The following VCL variants were observed in gnomAD, a reference collection of about 807,000 sequenced individuals.
VCL encodes epididymis luminal protein 114.
VCL carries 47 observed loss-of-function variants against 125.7 expected under a neutral mutation model. The ratio of observed to expected loss-of-function variants is 0.37; its 90% CI spans 0.30 to 0.48. VCL has a LOEUF of 0.48. VCL is among the 20% of genes least tolerant of loss of function. The probability of loss-of-function intolerance (pLI) is 0.99; values close to 1 mark genes in which losing one functional copy is unlikely to be tolerated. For missense variants in VCL, 1,069 were observed against 1,455.5 expected (o/e 0.73, Z 4.32); for synonymous variants, 458 against 514.6 (o/e 0.89, Z 1.49).
At chr10:74,111,801 C>T in intron 18 of VCL, 108 bp from the exon 19 acceptor site, 1 of 1,389,714 alleles carries the variant, frequency 7.2e-7, no homozygotes, top group Non-Finnish European at 1.0e-6. Flanking sequence ...GTTTCTTTCT[C>T]ATCCTAGGCA....
intron 1 of VCL, among the ~76,000 whole-genome samples, chr10:74,033,840 G>C (rs1238147461): frequency 6.6e-6 from 1 of 152,108 alleles, no homozygotes; most frequent in Non-Finnish European, 1.5e-5. Flanking sequence ...AATTGACCCA[G>C]TCACTTGAGC....
intron 5 of VCL, among the ~76,000 whole-genome samples, chr10:74,074,118 C>T (rs999830482): frequency 8.5e-5 from 13 of 152,202 alleles, no homozygotes; most frequent in Non-Finnish European, 1.9e-4. Flanking sequence ...CGGCTATAAT[C>T]CCAGCTACTC....
chr10:74,115,434 T>C (rs1361368059), intron 21 of VCL, among the ~76,000 whole-genome samples: 1 of 151,828 alleles, frequency 6.6e-6, no homozygotes, highest in Non-Finnish European at 1.5e-5. Flanking sequence ...ATAAAAGGAA[T>C]CTGGAATTGC....
At chr10:74,095,960 G>T (rs1321483424) in intron 12 of VCL, 105 bp downstream of exon 12, 4 of 1,381,488 alleles carry the variant, frequency 2.9e-6, no homozygotes, top group Non-Finnish European at 3.0e-6. Context: ...CTGGGGTCTA[G>T]GGAAAATGAA....
chr10:74,108,987 C>A lies in VCL; in HGVS notation c.2576C>A (p.Ala859Asp). Reference sequence around the variant, plus strand: ...CTTTTTTAGCTAACAGATGAGCTTGCTCCTCCCAAACCACCTCTGCCTGAA... The same window carrying A: ...CTTTTTTAGCTAACAGATGAGCTTGATCCTCCCAAACCACCTCTGCCTGAA... ...LEQLRLTDEL[A>D]PPKPPLPEGE... Residue 859 changes from alanine to aspartate, a missense_variant, in exon 18 of 22, where the codon GCT (alanine) becomes GAT (aspartate). Ala to Asp is a moderately radical substitution (Grantham distance 126, BLOSUM62 -2). This residue lies in a region of VCL where 760 missense variants were observed against 928.9 expected (regional missense o/e 0.82). Transcript: ENST00000211998. 1.2e-6 allele frequency: 2 copies of A among 1,614,158 alleles called. No individual in the cohort carries two copies. Among genetic ancestry groups the A allele is most frequent in the Middle Eastern group, 3.3e-4 (2 of 6,062 alleles).
chr10:74,069,865 G>A (rs1011180343), intron 2 of VCL, among the ~76,000 whole-genome samples: 8 of 152,024 alleles, frequency 5.3e-5, no homozygotes, highest in Admixed American at 2.0e-4. Flanking sequence ...TGAATCCCCC[G>A]CCCAGCTCCC....
chr10:74,113,110 T>C (rs1232100986), intron 19 of VCL, among the ~76,000 whole-genome samples: 2 of 152,176 alleles, frequency 1.3e-5, no homozygotes, highest in Non-Finnish European at 2.9e-5. Flanking sequence ...GTATGGTTTG[T>C]GTATGCCTCA....
At chr10:74,054,468 GT>G (rs1348062543) in intron 2 of VCL, among the ~76,000 whole-genome samples, 1 of 152,064 alleles carries the variant, frequency 6.6e-6, no homozygotes, top group Admixed American at 6.6e-5. Context: ...CTACATCCTA[GT>G]TTTTGCCAGT....
chr10:74,110,209 G>A (rs1242514000), intron 18 of VCL, among the ~76,000 whole-genome samples: 3 of 152,174 alleles, frequency 2.0e-5, no homozygotes, highest in Non-Finnish European at 2.9e-5. Context: ...CACTGTGCAT[G>A]GGGAGTGGGG....
At chr10:74,041,274 G>A (rs1235019237) in intron 1 of VCL, among the ~76,000 whole-genome samples, 1 of 151,512 alleles carries the variant, frequency 6.6e-6, no homozygotes, top group Non-Finnish European at 1.5e-5. Flanking sequence ...ATTAAAATAT[G>A]GTTTATAAAT....
In VCL at chr10:74,018,194, AT is replaced by A. The variant is rs1255753234; in HGVS notation, c.168+19820del. Among the ~76,000 whole-genome samples the A allele has an allele frequency of 2.8e-4, 39 of 140,376 alleles. 1 individual carries two copies. The highest frequency in any genetic ancestry group is 9.7e-4 in the African/African-American group (38 of 38,980). 92.1% of individuals were successfully genotyped at this position (140,376 alleles called of 152,430 possible). A position where few individuals can be genotyped will look rare whatever the true frequency, so the allele number is the denominator to read the frequency against. ...ATATATAGGATATATATATATATAT[AT>A]ATATATAAATACATATATATATGTG... On this transcript the variant is annotated intron_variant, in intron 1 of 21. Coordinates refer to ENST00000211998, the MANE Select transcript of VCL (RefSeq NM_014000.3).
intron 14 of VCL, among the ~76,000 whole-genome samples, chr10:74,102,454 T>A (rs1261982012): frequency 1.3e-5 from 2 of 152,234 alleles, no homozygotes; most frequent in Non-Finnish European, 2.9e-5. Flanking sequence ...ATTCAAATTA[T>A]AGAAAATTCA....
At chr10:74,039,836 CTAT>C (rs1841060346) in intron 1 of VCL, among the ~76,000 whole-genome samples, 1 of 152,176 alleles carries the variant, frequency 6.6e-6, no homozygotes, top group Non-Finnish European at 1.5e-5. Flanking sequence ...CTCCTGCCTC[CTAT>C]TGTACTGATA....
At chr10:74,058,988 A>G (rs1431736162) in intron 2 of VCL, among the ~76,000 whole-genome samples, 2 of 152,138 alleles carry the variant, frequency 1.3e-5, no homozygotes, top group South Asian at 2.1e-4. Flanking sequence ...TGCAAAGAGA[A>G]TCATCTTTAT....
intron 16 of VCL, 22 bp downstream of exon 16, chr10:74,105,375 G>C (rs771107837): frequency 6.2e-7 from 1 of 1,611,938 alleles, no homozygotes; most frequent in Admixed American, 1.7e-5. Context: ...ATGGCACTAT[G>C]TCTCACCTCC....
At chr10:74,026,182 C>T (rs1398018025) in intron 1 of VCL, among the ~76,000 whole-genome samples, 2 of 152,180 alleles carry the variant, frequency 1.3e-5, no homozygotes, top group East Asian at 3.8e-4. Context: ...ACATGCCTGG[C>T]CCCCAGGTAG....
intron 1 of VCL, among the ~76,000 whole-genome samples, chr10:74,016,039 C>G (rs916499476): frequency 6.6e-6 from 1 of 151,988 alleles, no homozygotes; most frequent in Non-Finnish European, 1.5e-5. Context: ...CTGTGTTTCC[C>G]AGGCTGGTCT....
chr10:74,032,554 G>C (rs1840897548), intron 1 of VCL, among the ~76,000 whole-genome samples: 1 of 151,822 alleles, frequency 6.6e-6, no homozygotes, highest in African/African-American at 2.4e-5. Context: ...ACAAAAATTA[G>C]CCAGGCATGG....
chr10:74,043,372 G>A (rs1477015060), intron 2 of VCL, among the ~76,000 whole-genome samples: 2 of 150,546 alleles, frequency 1.3e-5, no homozygotes, highest in African/African-American at 4.9e-5. Context: ...TTGAGACGGA[G>A]TTTCACCCTC....
Sources: allele counts gnomAD v4.1 joint callset (sites outside exome capture counted in the v4.1 genomes callset), GRCh38; gene constraint gnomAD v4.1.1; regional missense constraint gnomAD v4.1.1; transcripts MANE v1.5; gene names NCBI Gene and HGNC (gene_info 2026-07-23, HGNC 2026-07-21).